The following CACNB2 variants were observed in gnomAD, a reference collection of about 807,000 sequenced individuals.
CACNB2 encodes the protein voltage-dependent L-type calcium channel subunit beta-2.
In CACNB2, 42 loss-of-function variants were observed where a neutral mutation model predicts 73.3. The observed-to-expected ratio is 0.57, with a 90% CI of 0.45 to 0.74. The LOEUF (loss-of-function observed/expected upper bound fraction) is 0.74. CACNB2 is among the 30% of genes least tolerant of loss of function. The pLI, the probability that CACNB2 is intolerant of heterozygous loss-of-function variation, is 0.00. For missense variants in CACNB2, 940 were observed against 853.0 expected (o/e 1.10, Z -1.27); for synonymous variants, 348 against 310.3 (o/e 1.12, Z -1.28).
chr10:18,280,473 C>T (rs2038495711), intron 2 of CACNB2, among the ~76,000 whole-genome samples: 1 of 152,180 alleles, frequency 6.6e-6, no homozygotes, highest in Admixed American at 6.5e-5. Context: ...CTTAATCCCT[C>T]TCCTAGTCAC....
At chr10:18,443,921 G>A (rs1476186024) in intron 3 of CACNB2, among the ~76,000 whole-genome samples, 1 of 152,042 alleles carries the variant, frequency 6.6e-6, no homozygotes, top group East Asian at 1.9e-4. Flanking sequence ...CGCCATGTTG[G>A]CCAGACTAGT....
In CACNB2 at chr10:18,315,204, C is replaced by T. The variant is rs992888548; in HGVS notation, c.214-86720C>T. Among the ~76,000 whole-genome samples the T allele has an allele frequency of 6.6e-5, 10 of 152,000 alleles. No individual in the cohort carries two copies. The South Asian group carries it at 1.9e-3, about 28-fold the overall frequency. ...CAAAAATTAGCAGGGTGTGGTGGCA[C>T]ACATCTGTAATCCCAGCTACTTGGG... is the stretch of plus-strand genomic sequence containing the variant. On this transcript the variant is annotated intron_variant, in intron 2 of 13. Transcript: ENST00000324631.
chr10:18,476,152 C>G (rs1173301315), intron 3 of CACNB2, among the ~76,000 whole-genome samples: 1 of 152,156 alleles, frequency 6.6e-6, no homozygotes, highest in Non-Finnish European at 1.5e-5. Context: ...GGTTCCTCCC[C>G]CTTTTAGACT....
intron 2 of CACNB2, among the ~76,000 whole-genome samples, chr10:18,231,243 C>A (rs2036214205): frequency 6.6e-6 from 1 of 152,198 alleles, no homozygotes; most frequent in Admixed American, 6.5e-5. Flanking sequence ...GTGGCCCGAT[C>A]TCGGCTCACT....
At chr10:18,488,061 G>A (rs896768544) in intron 3 of CACNB2, among the ~76,000 whole-genome samples, 30 of 151,094 alleles carry the variant, frequency 2.0e-4, no homozygotes, top group Non-Finnish European at 4.0e-4. Flanking sequence ...CGCTTGCCTC[G>A]GCCTCCCAAA....
intron 7 of CACNB2, 89 bp from the exon 8 acceptor site, chr10:18,518,247 T>C (rs2051475042): frequency 3.4e-6 from 3 of 876,162 alleles, no homozygotes; most frequent in Non-Finnish European, 5.9e-6. Flanking sequence ...GTGCCTCATA[T>C]TATGGAGTTC....
Position 18,363,949 on chromosome 10 carries a change from AT to A in CACNB2, c.214-37957del, listed in dbSNP as rs529275417. 3.9e-3 allele frequency among the ~76,000 whole-genome samples: 536 copies of A among 139,168 alleles called. 1 individual carries two copies. The highest frequency in any genetic ancestry group is 7.8e-3 in the Middle Eastern group (2 of 258). The allele number at this position is 139,168 out of a possible 152,430, so 91.3% of individuals were successfully genotyped here. A position where few individuals can be genotyped will look rare whatever the true frequency, so the allele number is the denominator to read the frequency against. On this transcript the variant is annotated intron_variant, in intron 2 of 13. Transcript: ENST00000324631. Reference sequence around the variant, plus strand: ...ATAGTAGGGTCTTGAAGGCAGTTTAATTTTTTTTTTTTTTTTTTAGATGATG... The same window carrying A: ...ATAGTAGGGTCTTGAAGGCAGTTTAATTTTTTTTTTTTTTTTTAGATGATG...
chr10:18,290,795 T>A (rs966124078), intron 2 of CACNB2, among the ~76,000 whole-genome samples: 3 of 152,184 alleles, frequency 2.0e-5, no homozygotes, highest in Non-Finnish European at 4.4e-5. Flanking sequence ...GCCTGTATAA[T>A]CCGATTTCAT....
At chr10:18,161,953 G>T (rs1472430360) in intron 2 of CACNB2, among the ~76,000 whole-genome samples, 1 of 151,908 alleles carries the variant, frequency 6.6e-6, no homozygotes, top group Non-Finnish European at 1.5e-5. Flanking sequence ...AAAATAAAAT[G>T]TAAAAAATAA....
intron 2 of CACNB2, among the ~76,000 whole-genome samples, chr10:18,367,408 A>G (rs923991700): frequency 6.6e-6 from 1 of 152,202 alleles, no homozygotes; most frequent in Non-Finnish European, 1.5e-5. Context: ...AAGTGTAACT[A>G]TAGACAGTTT....
At chr10:18,507,390 C>G (rs2050549369) in intron 6 of CACNB2, among the ~76,000 whole-genome samples, 1 of 152,070 alleles carries the variant, frequency 6.6e-6, no homozygotes. Flanking sequence ...TGGGTTCATC[C>G]TAATGGTTGC....
At chr10:18,174,152 G>T (rs1356012348) in intron 2 of CACNB2, among the ~76,000 whole-genome samples, 1 of 151,948 alleles carries the variant, frequency 6.6e-6, no homozygotes, top group Non-Finnish European at 1.5e-5. Context: ...CACCTTTGAA[G>T]ATGGGAGTTT....
At chr10:18,200,379 G>A (rs539844839) in intron 2 of CACNB2, among the ~76,000 whole-genome samples, 5 of 152,020 alleles carry the variant, frequency 3.3e-5, no homozygotes, top group African/African-American at 9.6e-5. Context: ...TCTGCTTGGT[G>A]TAATCTTTGG....
intron 2 of CACNB2, among the ~76,000 whole-genome samples, chr10:18,247,798 T>A (rs1331329): frequency 0.22 from 32,760 of 152,164 alleles, 4,331 homozygotes; most frequent in Admixed American, 0.32. Flanking sequence ...ATTACCTTCA[T>A]AGTATCTGTG....
chr10:18,447,197 A>G (rs941430450), intron 3 of CACNB2, among the ~76,000 whole-genome samples: 1 of 151,144 alleles, frequency 6.6e-6, no homozygotes, highest in African/African-American at 2.4e-5. Flanking sequence ...GGAAGTTGAC[A>G]TTAGAATATG....
chr10:18,202,712 A>G (rs2131317223), intron 2 of CACNB2, among the ~76,000 whole-genome samples: 2 of 152,302 alleles, frequency 1.3e-5, no homozygotes, highest in Admixed American at 1.3e-4. Context: ...AACCATTCTC[A>G]GGTTCTATTT....
chr10:18,489,215 T>G (rs377743364), intron 3 of CACNB2, among the ~76,000 whole-genome samples: 6 of 151,844 alleles, frequency 4.0e-5, no homozygotes, highest in African/African-American at 1.2e-4. Flanking sequence ...CGAGACTCTG[T>G]GTCAAGAAAC....
intron 1 of CACNB2, among the ~76,000 whole-genome samples, chr10:18,147,218 A>G (rs1257197450): frequency 2.6e-5 from 4 of 152,236 alleles, no homozygotes; most frequent in Non-Finnish European, 5.9e-5. Context: ...GTCAAGGAAG[A>G]TGGATATTCA....
chr10:18,302,848 A>G (rs1012004108), intron 2 of CACNB2, among the ~76,000 whole-genome samples: 4 of 152,202 alleles, frequency 2.6e-5, no homozygotes, highest in African/African-American at 9.7e-5. Context: ...CCTAAAACCT[A>G]TGGAAATAAA....
Sources: allele counts gnomAD v4.1 joint callset (sites outside exome capture counted in the v4.1 genomes callset), GRCh38; gene constraint gnomAD v4.1.1; transcripts MANE v1.5; gene names NCBI Gene and HGNC (gene_info 2026-07-23, HGNC 2026-07-21).